Variants in FHAD1 observed in about 807,000 individuals in gnomAD.
FHAD1 encodes the protein forkhead-associated domain-containing protein 1.
In FHAD1, 146 loss-of-function variants were observed where a neutral mutation model predicts 191.3. That is an observed-to-expected ratio of 0.76 (90% confidence interval 0.67 to 0.88). The LOEUF is 0.88. FHAD1 is among the 40% of genes least tolerant of loss of function. The pLI is 0.00. For synonymous variants in FHAD1, 616 were observed against 672.3 expected (o/e 0.92, Z 1.29); for missense variants, 1,635 against 1,785.8 (o/e 0.92, Z 1.52).
At chr1:15,354,293 C>T (rs181712833) in intron 20 of FHAD1, among the ~76,000 whole-genome samples, 233 of 152,300 alleles carry the variant, frequency 1.5e-3, no homozygotes, top group Middle Eastern at 0.01. Context: ...GCCCAAGTGG[C>T]GCTGATGCAC....
intron 10 of FHAD1, among the ~76,000 whole-genome samples, chr1:15,323,452 C>T (rs1677054575): frequency 6.6e-6 from 1 of 152,178 alleles, no homozygotes; most frequent in South Asian, 2.1e-4. Context: ...CTTAGCCGGC[C>T]TTCCCGGGAA....
At position 15,381,877 on chromosome 1, in the gene FHAD1, C is replaced by T; in HGVS notation, c.4023-151C>T. 1.2e-6 allele frequency: 1 copy of T among 830,942 alleles called. No individual in the cohort carries two copies. The highest frequency in any genetic ancestry group is 1.8e-5 in the South Asian group (1 of 56,116). The allele number at this position is 830,942 out of a possible 1,614,324, so 51.5% of individuals were successfully genotyped here. ...GAATGGCTCGTTCTGCTCTCTGTAC[C>T]CCAAATCTTCGTCATGCTCTCCTGC... On this transcript the variant is annotated intron_variant, in intron 30 of 33. Transcript: ENST00000688493. The surrounding 1 kb of genome is among the most constrained non-coding windows in gnomAD (Gnocchi z 4.6).
chr1:15,308,585 C>T (rs148232755), intron 6 of FHAD1, 28 bp from the exon 7 acceptor site: 5 of 1,551,118 alleles, frequency 3.2e-6, no homozygotes, highest in South Asian at 1.2e-5. Context: ...GGCCAGCCCC[C>T]CTCTGACTGT....
intron 1 of FHAD1, among the ~76,000 whole-genome samples, chr1:15,251,461 A>G (rs890933809): frequency 6.6e-6 from 1 of 152,116 alleles, no homozygotes; most frequent in Non-Finnish European, 1.5e-5. Flanking sequence ...AGCAATCATC[A>G]CTGGAACTCA....
Position 15,380,697 on chromosome 1 carries a change from T to G in FHAD1, c.3706-4T>G, listed in dbSNP as rs1700703308. 1.3e-6 allele frequency: 2 copies of G among 1,550,794 alleles called. No individual in the cohort carries two copies. Among genetic ancestry groups the G allele is most frequent in the South Asian group, 2.4e-5 (2 of 84,042 alleles). On this transcript the variant is annotated splice_region_variant and splice_polypyrimidine_tract_variant and intron_variant, in intron 28 of 33. Transcript: ENST00000688493. ...AGAGGCCTTTCATTTCTTTCTGATT[T>G]CAGCCTCAGAATGGCCTTTGCAACG...
intron 3 of FHAD1, among the ~76,000 whole-genome samples, chr1:15,277,087 G>A (rs1355926341): frequency 2.6e-5 from 4 of 152,202 alleles, no homozygotes; most frequent in Admixed American, 6.5e-5. Flanking sequence ...CTGTGAGTGA[G>A]GGTTGTCCTG....
chr1:15,296,451 C>T (rs1376521076), intron 4 of FHAD1, among the ~76,000 whole-genome samples: 1 of 152,134 alleles, frequency 6.6e-6, no homozygotes, highest in African/African-American at 2.4e-5. Flanking sequence ...GATGGGGTTT[C>T]ACCATGTTAG....
intron 31 of FHAD1, among the ~76,000 whole-genome samples, chr1:15,382,958 C>CCAG (rs1322326943): frequency 6.6e-6 from 1 of 152,204 alleles, no homozygotes; most frequent in Non-Finnish European, 1.5e-5. Context: ...AACCGAGATT[C>CCAG]CAGTCTCAGG....
intron 2 of FHAD1, among the ~76,000 whole-genome samples, chr1:15,255,114 G>T (rs1480737213): frequency 3.9e-5 from 2 of 50,662 alleles, no homozygotes; most frequent in Non-Finnish European, 9.1e-5. Flanking sequence ...TAAAGTTCAG[G>T]AATCTTAAAA....
At chr1:15,398,883 C>A (rs1012843504), downstream of FHAD1, among the ~76,000 whole-genome samples, 2 of 151,342 alleles carry the variant, frequency 1.3e-5, no homozygotes, top group African/African-American at 4.9e-5. Flanking sequence ...TGCAATGGCG[C>A]GATCTCTGCT....
chr1:15,263,342 T>C (rs974802717), intron 2 of FHAD1, among the ~76,000 whole-genome samples: 3 of 152,112 alleles, frequency 2.0e-5, no homozygotes, highest in Admixed American at 6.5e-5. Flanking sequence ...TTTTGTTGCC[T>C]GTGTTCTTGG....
intron 6 of FHAD1, chr1:15,305,695 A>C (rs1670249003): frequency 2.4e-6 from 1 of 423,816 alleles, no homozygotes; most frequent in Non-Finnish European, 4.7e-6. Context: ...AAGTCTCATG[A>C]GATCTGATGG....
intron 3 of FHAD1, among the ~76,000 whole-genome samples, chr1:15,279,892 CA>C (rs948361312): frequency 2.7e-5 from 4 of 150,604 alleles, no homozygotes; most frequent in East Asian, 1.9e-4. Context: ...GGAGGAAAAA[CA>C]AAAAAAAAGC....
intron 10 of FHAD1, among the ~76,000 whole-genome samples, chr1:15,322,853 C>G (rs878925903): frequency 6.6e-6 from 1 of 152,136 alleles, no homozygotes; most frequent in African/African-American, 2.4e-5. Flanking sequence ...GTTTTCACAC[C>G]GCTGTTAAAG....
chr1:15,328,863 C>G (rs1004533750), intron 13 of FHAD1: 1 of 162,990 alleles, frequency 6.1e-6, no homozygotes, highest in Non-Finnish European at 1.3e-5. Context: ...AGCCCTGCGG[C>G]CCCCACCCTG....
rs1040216772 is a variant in FHAD1, at chr1:15,292,826, A to G, written c.568+3160A>G. 5.9e-5 allele frequency among the ~76,000 whole-genome samples: 9 copies of G among 152,272 alleles called. No homozygotes were observed. The South Asian group carries it at 1.9e-3, about 32-fold the overall frequency. Reference sequence around the variant, plus strand: ...AAAAAATAAATTGGTGCAGTGGCTCACCCCTGTAATCCCAGCAGTTTGGGA... The same window carrying G: ...AAAAAATAAATTGGTGCAGTGGCTCGCCCCTGTAATCCCAGCAGTTTGGGA... On this transcript the variant is annotated intron_variant, in intron 4 of 33. Coordinates refer to ENST00000688493, the MANE Select transcript of FHAD1 (RefSeq NM_001391957.1).
At chr1:15,371,784 G>T (rs189300053) in intron 26 of FHAD1, among the ~76,000 whole-genome samples, 10 of 152,344 alleles carry the variant, frequency 6.6e-5, no homozygotes, top group Non-Finnish European at 1.5e-4. Context: ...CTGTGAGCAG[G>T]CTGAAGACAG....
In FHAD1 at chr1:15,296,710, G is replaced by GA; in HGVS notation, c.600dup (p.Ser201IlefsTer28). 6.4e-7 allele frequency: 1 copy of GA among 1,552,208 alleles called. No homozygotes were observed. The highest frequency in any genetic ancestry group is 8.7e-7 in the Non-Finnish European group (1 of 1,147,122). On this transcript the variant is annotated frameshift_variant, in exon 5 of 34. Transcript: ENST00000688493. LOFTEE classifies it high-confidence loss of function. ...GTGGACCAATGCCATGAAACTGTCAGAAAAATCAGTGGCCGAGGGGATTCC... is the reference window on the plus strand; with the variant it reads ...GTGGACCAATGCCATGAAACTGTCAGAAAAAATCAGTGGCCGAGGGGATTCC...
chr1:15,320,466 G>A (rs1675886364), intron 10 of FHAD1, among the ~76,000 whole-genome samples: 1 of 152,102 alleles, frequency 6.6e-6, no homozygotes, highest in Admixed American at 6.5e-5. Context: ...ATCCTAACAT[G>A]ATTGTGGATT....
Sources: gnomAD v4.1 joint callset for allele counts (sites outside exome capture counted in the v4.1 genomes callset) on GRCh38, gnomAD v4.1.1 for gene constraint, Gnocchi (gnomAD v3.1) non-coding constraint, MANE v1.5 for transcripts, NCBI Gene and HGNC (gene_info 2026-07-23, HGNC 2026-07-21) for gene names.